Variants in MGMT observed in about 807,000 individuals in gnomAD.
MGMT encodes methylated-DNA--protein-cysteine methyltransferase.
MGMT carries 14 observed loss-of-function variants against 15.9 expected under a neutral mutation model. The ratio of observed to expected loss-of-function variants is 0.88; its 90% CI spans 0.58 to 1.37. The LOEUF is 1.37. Among genes scored for constraint, MGMT ranks in the 40% most tolerant of loss-of-function variants. The pLI, the probability that MGMT is intolerant of heterozygous loss-of-function variation, is 0.00. For missense variants in MGMT, 282 were observed against 268.1 expected (o/e 1.05, Z -0.36); for synonymous variants, 130 against 118.2 (o/e 1.10, Z -0.65).
chr10:129,467,916 T>C (rs1845187887), intron 1 of MGMT, among the ~76,000 whole-genome samples: 1 of 152,178 alleles, frequency 6.6e-6, no homozygotes. Flanking sequence ...CACTCCTGGG[T>C]TCATCATCTC....
At chr10:129,726,542 C>T (rs939510084) in intron 3 of MGMT, among the ~76,000 whole-genome samples, 5 of 152,170 alleles carry the variant, frequency 3.3e-5, no homozygotes, top group African/African-American at 7.2e-5. Flanking sequence ...AGCAGCCTCA[C>T]GCAGACTGAG....
chr10:129,583,993 G>A (rs988743937), intron 2 of MGMT, among the ~76,000 whole-genome samples: 6 of 152,266 alleles, frequency 3.9e-5, no homozygotes, highest in Non-Finnish European at 8.8e-5. Context: ...ACCGTGCACC[G>A]AAGACTTGGC....
intron 2 of MGMT, among the ~76,000 whole-genome samples, chr10:129,653,528 G>T (rs185469309): frequency 6.6e-6 from 1 of 152,216 alleles, no homozygotes; most frequent in African/African-American, 2.4e-5. Context: ...GAGATGGCCC[G>T]TGTGGGAGGG....
chr10:129,655,179 A>G (rs1024569145), intron 2 of MGMT, among the ~76,000 whole-genome samples: 4 of 152,302 alleles, frequency 2.6e-5, no homozygotes, highest in Non-Finnish European at 5.9e-5. Flanking sequence ...GGTGGGACAC[A>G]GTCCCGTGGG....
chr10:129,717,245 T>C (rs1359603042), intron 3 of MGMT, among the ~76,000 whole-genome samples: 1 of 152,264 alleles, frequency 6.6e-6, no homozygotes, highest in African/African-American at 2.4e-5. Flanking sequence ...TCAAATTGCA[T>C]CTAATTTGAA....
At chr10:129,628,711 G>A (rs1193369804) in intron 2 of MGMT, among the ~76,000 whole-genome samples, 1 of 152,226 alleles carries the variant, frequency 6.6e-6, no homozygotes, top group African/African-American at 2.4e-5. Flanking sequence ...GGTGCCAAGA[G>A]ACAAGTAGAG....
intron 2 of MGMT, among the ~76,000 whole-genome samples, chr10:129,691,756 G>T (rs1001746367): frequency 6.6e-6 from 1 of 152,146 alleles, no homozygotes; most frequent in Non-Finnish European, 1.5e-5. Flanking sequence ...AGCTTCCTGG[G>T]CTGGATCCTG....
At chr10:129,748,959 G>A (rs1038695641) in intron 3 of MGMT, among the ~76,000 whole-genome samples, 1 of 152,130 alleles carries the variant, frequency 6.6e-6, no homozygotes, top group South Asian at 2.1e-4. Flanking sequence ...CAGTATTTAT[G>A]TACAGTTCCT....
rs1189165942 is a variant in MGMT, at chr10:129,487,505, A to T, written c.-13+20209A>T. 4.6e-5 allele frequency among the ~76,000 whole-genome samples: 7 copies of T among 152,068 alleles called. 1 individual carries two copies. Among genetic ancestry groups the T allele is most frequent in the African/African-American group, 1.7e-4 (7 of 41,390 alleles). Reference sequence around the variant, plus strand: ...TGCCTCCTATAGACTTTTGGTAGAAAGGAAATTTCTTTCTCTTCTGGTTGT... The same window carrying T: ...TGCCTCCTATAGACTTTTGGTAGAATGGAAATTTCTTTCTCTTCTGGTTGT... On this transcript the variant is annotated intron_variant, in intron 1 of 4. Coordinates refer to ENST00000651593, the MANE Select transcript of MGMT (RefSeq NM_002412.5).
intron 2 of MGMT, among the ~76,000 whole-genome samples, chr10:129,617,686 T>C (rs1300074098): frequency 6.6e-6 from 1 of 152,220 alleles, no homozygotes; most frequent in Non-Finnish European, 1.5e-5. Context: ...ATTAGTGATG[T>C]TGAGCATTTT....
chr10:129,535,321 A>G (rs1311508132), intron 1 of MGMT, among the ~76,000 whole-genome samples: 4 of 152,170 alleles, frequency 2.6e-5, no homozygotes, highest in African/African-American at 9.6e-5. Flanking sequence ...GCTAGAGCCC[A>G]GGAGTTCAAG....
At chr10:129,472,407 A>C (rs1845241883) in intron 1 of MGMT, among the ~76,000 whole-genome samples, 1 of 152,050 alleles carries the variant, frequency 6.6e-6, no homozygotes, top group African/African-American at 2.4e-5. Context: ...TAGAAATTTT[A>C]ATTTGGAGCT....
intron 3 of MGMT, among the ~76,000 whole-genome samples, chr10:129,745,374 C>T (rs912341193): frequency 2.0e-5 from 3 of 152,136 alleles, no homozygotes; most frequent in Admixed American, 6.5e-5. Context: ...TGGACACCCC[C>T]ACGCCGCCCC....
chr10:129,754,551 G>C (rs1389782579), intron 3 of MGMT, among the ~76,000 whole-genome samples: 1 of 152,156 alleles, frequency 6.6e-6, no homozygotes, highest in Non-Finnish European at 1.5e-5. Context: ...TTCCTCACTC[G>C]CCCTGAACAT....
intron 3 of MGMT, among the ~76,000 whole-genome samples, chr10:129,738,003 T>G (rs1848584604): frequency 6.6e-6 from 1 of 152,170 alleles, no homozygotes; most frequent in African/African-American, 2.4e-5. Context: ...ACTGCTGTCT[T>G]TTTGTTGGTC....
At chr10:129,759,611 G>C (rs1041777465) in intron 4 of MGMT, among the ~76,000 whole-genome samples, 1 of 152,144 alleles carries the variant, frequency 6.6e-6, no homozygotes, top group African/African-American at 2.4e-5. Context: ...AGAGGAGGGA[G>C]CCTGGAGGAG....
chr10:129,563,974 G>T (rs1248356821), intron 2 of MGMT: 7 of 152,408 alleles, frequency 4.6e-5, no homozygotes, highest in African/African-American at 1.7e-4. Context: ...GGCCTTGTGT[G>T]TTTGGAAGTA....
intron 1 of MGMT, among the ~76,000 whole-genome samples, chr10:129,482,938 CATTT>C (rs1306116405): frequency 2.0e-5 from 3 of 152,160 alleles, no homozygotes; most frequent in East Asian, 3.8e-4. Flanking sequence ...TCTGGCTGTT[CATTT>C]GTCATTCACC....
chr10:129,752,009 C>T (rs1848755364), intron 3 of MGMT, among the ~76,000 whole-genome samples: 1 of 151,932 alleles, frequency 6.6e-6, no homozygotes, highest in Admixed American at 6.5e-5. Flanking sequence ...CTGTAAATAT[C>T]CATTAAATCC....
Sources: gnomAD v4.1 joint callset for allele counts (sites outside exome capture counted in the v4.1 genomes callset) on GRCh38, gnomAD v4.1.1 for gene constraint, MANE v1.5 for transcripts, NCBI Gene and HGNC (gene_info 2026-07-23, HGNC 2026-07-21) for gene names.